CSGALNACT1: variants seen among roughly 807,000 people sequenced by gnomAD.
The protein encoded by CSGALNACT1 is chondroitin sulfate N-acetylgalactosaminyltransferase 1, also known as beta4GalNAcT-1.
CSGALNACT1 carries 52 observed loss-of-function variants against 51.0 expected under a neutral mutation model. The observed-to-expected ratio is 1.02, with a 90% CI of 0.82 to 1.29. CSGALNACT1 has a LOEUF of 1.29. CSGALNACT1 is among the 50% of genes most tolerant of loss of function. The probability of loss-of-function intolerance (pLI) is 0.00; values close to 1 mark genes in which losing one functional copy is unlikely to be tolerated. For missense variants in CSGALNACT1, 935 were observed against 679.2 expected, an observed-to-expected ratio of 1.38 and a Z score of -4.19; for synonymous variants, 341 against 254.4, an observed-to-expected ratio of 1.34 and a Z score of -3.24.
chr8:19,452,085 G>T (rs2063281535), intron 5 of CSGALNACT1, among the ~76,000 whole-genome samples: 1 of 152,226 alleles, frequency 6.6e-6, no homozygotes, highest in African/African-American at 2.4e-5. Context: ...TGACCAATGA[G>T]GGAGACATAA....
chr8:19,525,678 A>G (rs1332523655), intron 3 of CSGALNACT1, among the ~76,000 whole-genome samples: 2 of 149,502 alleles, frequency 1.3e-5, no homozygotes, highest in African/African-American at 5.0e-5. Context: ...CTTGTGCACA[A>G]AGCTGGAATA....
chr8:19,549,410 A>G lies in CSGALNACT1; in HGVS notation c.-297+41750T>C, dbSNP rs565253881. ...AATTTTTCATTTGGTTGATTTCTCT[A>G]TGTATCTAACATTAATTTTCCCCAC... On this transcript the variant is annotated intron_variant, in intron 3 of 9. Transcript: ENST00000454498. Among the ~76,000 whole-genome samples, 4 of 152,136 alleles carry G rather than the reference A, an allele frequency of 2.6e-5. No individual in the cohort carries two copies. In the East Asian group the frequency reaches 7.7e-4, roughly 29 times the overall value.
chr8:19,589,667 G>A (rs78553937), intron 3 of CSGALNACT1, among the ~76,000 whole-genome samples: 4,079 of 152,158 alleles, frequency 0.027, 197 homozygotes, highest in African/African-American at 0.093. Context: ...TCAAGTAACT[G>A]AAATTAAAAT....
At chr8:19,428,441 G>T (rs143697519) in intron 6 of CSGALNACT1, among the ~76,000 whole-genome samples, 2 of 152,142 alleles carry the variant, frequency 1.3e-5, no homozygotes, top group Non-Finnish European at 2.9e-5. Context: ...ATCAGATCTC[G>T]TGAGACTTAT....
At chr8:19,736,597 G>A (rs149456577) in intron 1 of CSGALNACT1, among the ~76,000 whole-genome samples, 85 of 152,038 alleles carry the variant, frequency 5.6e-4, no homozygotes, top group African/African-American at 1.8e-3. Flanking sequence ...CAGTTCTTAC[G>A]CACAGTATGT....
At chr8:19,581,479 T>C (rs2045558360) in intron 3 of CSGALNACT1, among the ~76,000 whole-genome samples, 2 of 152,246 alleles carry the variant, frequency 1.3e-5, no homozygotes, top group Non-Finnish European at 2.9e-5. Context: ...AATTTTGTTT[T>C]GTTTTTAAAA....
chr8:19,727,494 C>T (rs1158792990), intron 1 of CSGALNACT1, among the ~76,000 whole-genome samples: 9 of 148,660 alleles, frequency 6.1e-5, no homozygotes, highest in Non-Finnish European at 8.9e-5. Flanking sequence ...AGACTACAGG[C>T]GCGTGTCATC....
At chr8:19,667,047 GAA>G (rs1254825687) in intron 1 of CSGALNACT1, among the ~76,000 whole-genome samples, 1 of 83,284 alleles carries the variant, frequency 1.2e-5, no homozygotes. Flanking sequence ...AAGGAAGAAA[GAA>G]AGAAAGAAAG....
intron 1 of CSGALNACT1, among the ~76,000 whole-genome samples, chr8:19,723,690 G>C (rs540363782): frequency 6.6e-6 from 1 of 152,142 alleles, no homozygotes; most frequent in Non-Finnish European, 1.5e-5. Context: ...TTTGGAAAAA[G>C]TGCCTCCTTT....
chr8:19,459,865 G>A (rs1011803042), intron 4 of CSGALNACT1, among the ~76,000 whole-genome samples: 6 of 152,080 alleles, frequency 3.9e-5, no homozygotes, highest in African/African-American at 1.4e-4. Flanking sequence ...AGAAGTCTAG[G>A]GACCGTGCAA....
intron 1 of CSGALNACT1, among the ~76,000 whole-genome samples, chr8:19,688,412 G>A (rs1666757444): frequency 6.6e-6 from 1 of 152,164 alleles, no homozygotes. Context: ...CCCTGAAGGG[G>A]AAGGCAAGGG....
intron 1 of CSGALNACT1, among the ~76,000 whole-genome samples, chr8:19,649,759 G>A (rs7001715): frequency 6.9e-6 from 1 of 145,090 alleles, no homozygotes; most frequent in African/African-American, 2.6e-5. Flanking sequence ...TTGTTAAAAA[G>A]AGTAGAAATT....
intron 1 of CSGALNACT1, among the ~76,000 whole-genome samples, chr8:19,607,972 G>A (rs577654081): frequency 3.3e-4 from 50 of 150,872 alleles, no homozygotes; most frequent in Non-Finnish European, 5.2e-4. Context: ...GGGAAGAGAA[G>A]CTTAAAAAGA....
intron 4 of CSGALNACT1, among the ~76,000 whole-genome samples, chr8:19,460,304 T>C (rs2065078083): frequency 6.6e-6 from 1 of 152,196 alleles, no homozygotes; most frequent in East Asian, 1.9e-4. Context: ...TACCTTTTAT[T>C]ACCTTATATT....
chr8:19,581,716 A>G (rs971216980), intron 3 of CSGALNACT1, among the ~76,000 whole-genome samples: 1 of 152,216 alleles, frequency 6.6e-6, no homozygotes, highest in Non-Finnish European at 1.5e-5. Context: ...TACATCAGCT[A>G]CAGAGTATCA....
chr8:19,599,927 G>C (rs905244079), intron 2 of CSGALNACT1, among the ~76,000 whole-genome samples: 1 of 152,230 alleles, frequency 6.6e-6, no homozygotes, highest in African/African-American at 2.4e-5. Context: ...GCAATCACAG[G>C]ATCCCAGCAA....
At chr8:19,671,208 T>A (rs2059772112) in intron 1 of CSGALNACT1, among the ~76,000 whole-genome samples, 1 of 152,068 alleles carries the variant, frequency 6.6e-6, no homozygotes, top group Admixed American at 6.5e-5. Flanking sequence ...AACCCAGCAG[T>A]CAGCTAAGCA....
At chr8:19,494,590 T>A (rs1053728951) in intron 4 of CSGALNACT1, among the ~76,000 whole-genome samples, 2 of 152,190 alleles carry the variant, frequency 1.3e-5, no homozygotes, top group African/African-American at 2.4e-5. Flanking sequence ...CAAAGAACAC[T>A]GAATATCCAA....
chr8:19,751,872 G>A (rs376581885), intron 1 of CSGALNACT1, among the ~76,000 whole-genome samples: 112 of 152,070 alleles, frequency 7.4e-4, no homozygotes, highest in African/African-American at 2.7e-3. Context: ...CATGCCCCCT[G>A]TGCAACCTTT....
Sources: gnomAD v4.1 joint callset for allele counts (sites outside exome capture counted in the v4.1 genomes callset) on GRCh38, gnomAD v4.1.1 for gene constraint, MANE v1.5 for transcripts, NCBI Gene and HGNC (gene_info 2026-07-23, HGNC 2026-07-21) for gene names.